Variants in NKAIN2 observed in about 807,000 individuals in gnomAD.
The protein encoded by NKAIN2 is sodium/potassium transporting ATPase interacting 2.
NKAIN2 carries 14 observed loss-of-function variants against 32.6 expected under a neutral mutation model. The observed-to-expected ratio is 0.43, with a 90% CI of 0.28 to 0.67. The LOEUF (loss-of-function observed/expected upper bound fraction) is 0.67. Ranked by LOEUF, NKAIN2 falls within the 30% of genes least tolerant of loss-of-function variation. The pLI is 0.17. For missense variants in NKAIN2, 198 were observed against 258.3 expected (o/e 0.77, Z 1.60); for synonymous variants, 80 against 87.2 (o/e 0.92, Z 0.46).
At chr6:123,864,947 G>GT (rs1356296729) in intron 1 of NKAIN2, among the ~76,000 whole-genome samples, 1 of 152,038 alleles carries the variant, frequency 6.6e-6, no homozygotes, top group Non-Finnish European at 1.5e-5. Context: ...CTGTGCTTTT[G>GT]TTGAGGTTTT....
intron 1 of NKAIN2, among the ~76,000 whole-genome samples, chr6:123,890,949 C>T (rs1773980746): frequency 6.6e-6 from 1 of 152,090 alleles, no homozygotes; most frequent in South Asian, 2.1e-4. Flanking sequence ...CAGTTGCCAT[C>T]AACAGATGAT....
intron 1 of NKAIN2, among the ~76,000 whole-genome samples, chr6:123,983,646 C>G (rs895276980): frequency 6.6e-6 from 1 of 152,096 alleles, no homozygotes; most frequent in African/African-American, 2.4e-5. Context: ...ACACTACCCC[C>G]CCACCTCTTG....
At chr6:124,363,711 C>T (rs972265436) in intron 3 of NKAIN2, among the ~76,000 whole-genome samples, 7 of 152,168 alleles carry the variant, frequency 4.6e-5, no homozygotes, top group Admixed American at 3.9e-4. Context: ...CCAGGCTCAA[C>T]TCAGCACAAT....
At chr6:124,738,156 A>T (rs1777040010) in intron 4 of NKAIN2, among the ~76,000 whole-genome samples, 1 of 151,952 alleles carries the variant, frequency 6.6e-6, no homozygotes, top group African/African-American at 2.4e-5. Flanking sequence ...ATCAACTTAG[A>T]ATATTTAAAA....
rs148662184 is a variant in NKAIN2, at chr6:124,374,904, T to C, written c.273+19557T>C. On this transcript the variant is annotated intron_variant, in intron 3 of 6. Coordinates refer to ENST00000368417, the MANE Select transcript of NKAIN2 (RefSeq NM_001040214.3). The stretch of plus-strand genomic sequence containing the variant: ...TTCTGTAGGAAAGAATTTAACACAA[T>C]GGCATGCAAGACACTGGCTGAAATG... Among the ~76,000 whole-genome samples the C allele has an allele frequency of 7.9e-5, 12 of 152,240 alleles. No individual in the cohort carries two copies. The East Asian group carries it at 2.1e-3, about 27-fold the overall frequency.
chr6:124,148,459 C>T (rs949928122), intron 1 of NKAIN2, among the ~76,000 whole-genome samples: 9 of 152,090 alleles, frequency 5.9e-5, no homozygotes, highest in African/African-American at 9.7e-5. Context: ...TGTCTCTTTA[C>T]ATTTGCCTAT....
chr6:123,925,101 G>A (rs1775947034), intron 1 of NKAIN2, among the ~76,000 whole-genome samples: 1 of 151,994 alleles, frequency 6.6e-6, no homozygotes, highest in African/African-American at 2.4e-5. Context: ...ACTTGTCCAA[G>A]TGGCCATGGT....
At chr6:124,290,510 ATGTGTGTGTG>A (rs56389666) in intron 2 of NKAIN2, among the ~76,000 whole-genome samples, 157 of 137,870 alleles carry the variant, frequency 1.1e-3, no homozygotes, top group Middle Eastern at 3.6e-3. Context: ...TACCTCAGAA[ATGTGTGTGTG>A]TGTGTGTGTG....
Position 124,699,647 on chromosome 6 carries a change from T to C in NKAIN2, c.474+41261T>C, listed in dbSNP as rs146067045. On this transcript the variant is annotated intron_variant, in intron 4 of 6. Coordinates refer to ENST00000368417, the MANE Select transcript of NKAIN2 (RefSeq NM_001040214.3). ...CACTCTCTTGCTGCTGCTCCAGCCA[T>C]GTAAGACATGCCTGCTTCCCTTTGC... Among the ~76,000 whole-genome samples, 39 of 152,294 alleles carry C rather than the reference T, an allele frequency of 2.6e-4. 1 individual carries two copies. In the East Asian group the frequency reaches 3.9e-3, roughly 15 times the overall value.
chr6:124,117,234 G>A (rs1785659350), intron 1 of NKAIN2, among the ~76,000 whole-genome samples: 1 of 152,128 alleles, frequency 6.6e-6, no homozygotes, highest in African/African-American at 2.4e-5. Context: ...AATTAATATT[G>A]TATTTGCATG....
intron 1 of NKAIN2, among the ~76,000 whole-genome samples, chr6:124,123,937 A>G (rs1350753954): frequency 3.3e-5 from 5 of 152,128 alleles, no homozygotes; most frequent in Non-Finnish European, 5.9e-5. Flanking sequence ...TGGATTGTCC[A>G]GTTGTTATCA....
At chr6:124,396,329 C>T (rs1773375007) in intron 3 of NKAIN2, among the ~76,000 whole-genome samples, 1 of 148,996 alleles carries the variant, frequency 6.7e-6, no homozygotes, top group Admixed American at 6.7e-5. Flanking sequence ...ATAAATTTTT[C>T]AAGCAAAGAG....
chr6:123,924,339 T>A (rs1775909095), intron 1 of NKAIN2, among the ~76,000 whole-genome samples: 1 of 152,200 alleles, frequency 6.6e-6, no homozygotes, highest in African/African-American at 2.4e-5. Flanking sequence ...AAATCTCACA[T>A]ATATATGTAT....
chr6:124,398,702 A>C (rs79956460), intron 3 of NKAIN2, among the ~76,000 whole-genome samples: 3,235 of 152,330 alleles, frequency 0.021, 48 homozygotes, highest in Non-Finnish European at 0.032. Flanking sequence ...ACCTAAGGTG[A>C]GTACGGTGTT....
chr6:123,897,226 T>G (rs62435577), intron 1 of NKAIN2, among the ~76,000 whole-genome samples: 2 of 152,034 alleles, frequency 1.3e-5, no homozygotes, highest in Non-Finnish European at 2.9e-5. Flanking sequence ...AAGCAAAGCA[T>G]CCATACTGCT....
chr6:124,380,043 T>C (rs1378621574), intron 3 of NKAIN2, among the ~76,000 whole-genome samples: 1 of 152,184 alleles, frequency 6.6e-6, no homozygotes, highest in Non-Finnish European at 1.5e-5. Context: ...TTTCACGCTA[T>C]GCAGTTATTA....
chr6:123,903,133 G>T (rs1458950595), intron 1 of NKAIN2, among the ~76,000 whole-genome samples: 1 of 152,186 alleles, frequency 6.6e-6, no homozygotes, highest in African/African-American at 2.4e-5. Context: ...AGTGAAAGTC[G>T]TTATCCTCTG....
intron 5 of NKAIN2, among the ~76,000 whole-genome samples, chr6:124,796,742 C>T (rs1345570301): frequency 6.6e-6 from 1 of 152,114 alleles, no homozygotes; most frequent in African/African-American, 2.4e-5. Flanking sequence ...GAGTGGGCCA[C>T]CTTAACAACA....
intron 1 of NKAIN2, among the ~76,000 whole-genome samples, chr6:123,970,459 C>T (rs114264793): frequency 0.01 from 1,530 of 152,226 alleles, 27 homozygotes; most frequent in African/African-American, 0.035. Context: ...GGAAATAGTA[C>T]TGAATGAGGA....
Sources: allele counts gnomAD v4.1 joint callset (sites outside exome capture counted in the v4.1 genomes callset), GRCh38; gene constraint gnomAD v4.1.1; transcripts MANE v1.5; gene names NCBI Gene and HGNC (gene_info 2026-07-23, HGNC 2026-07-21).